The following ATXN7L1 variants were observed in gnomAD, a reference collection of about 807,000 sequenced individuals.
ATXN7L1 encodes the protein ataxin-7-like protein 1.
ATXN7L1 carries 15 observed loss-of-function variants against 70.8 expected under a neutral mutation model. The observed-to-expected ratio is 0.21, with a 90% confidence interval of 0.14 to 0.33. The LOEUF (loss-of-function observed/expected upper bound fraction) is 0.33, where lower values mean the gene tolerates loss of function less well. Among genes scored for constraint, ATXN7L1 ranks in the 10% least tolerant of loss-of-function variants. The pLI is 1.00. For missense variants in ATXN7L1, 975 were observed against 1,097.1 expected, an observed-to-expected ratio of 0.89 and a Z score of 1.57; for synonymous variants, 440 against 445.1, an observed-to-expected ratio of 0.99 and a Z score of 0.14.
rs1048732952 is a variant in ATXN7L1, at chr7:105,624,190, G to A, written c.1280C>T (p.Pro427Leu). The A allele has an allele frequency of 2.0e-5, 31 of 1,527,726 alleles. No individual in the cohort carries two copies. The highest frequency in any genetic ancestry group is 2.6e-5 in the Non-Finnish European group (30 of 1,133,596). 94.6% of individuals were successfully genotyped at this position (1,527,726 alleles called of 1,614,324 possible). A position where few individuals can be genotyped will look rare whatever the true frequency, so the allele number is the denominator to read the frequency against. The change falls in exon 8 of 12, where the codon CCG (proline) becomes CTG (leucine). Residue 427 changes from proline to leucine, a missense_variant. By Grantham distance (98) the Pro-to-Leu change is moderately conservative. Transcript: ENST00000419735. ...SGHTPEPPLP[P>L]VGGDLASRLS... ...TCGGCTGGCGAGGTCACCTCCAACC[G>A]GTGGGAGTGGGGGCTCTGGAGTGTG...
intron 5 of ATXN7L1, among the ~76,000 whole-genome samples, chr7:105,641,194 T>C (rs936941683): frequency 1.9e-5 from 2 of 106,002 alleles, no homozygotes; most frequent in African/African-American, 3.5e-5. Context: ...TGTCTGCCTT[T>C]TCTCTCTCTC....
intron 9 of ATXN7L1, among the ~76,000 whole-genome samples, chr7:105,617,175 C>A (rs559164935): frequency 6.6e-6 from 1 of 152,162 alleles, no homozygotes; most frequent in South Asian, 2.1e-4. Context: ...TACAGGCACC[C>A]GCCACCAGGC....
intron 3 of ATXN7L1, among the ~76,000 whole-genome samples, chr7:105,703,005 A>T (rs1360507326): frequency 6.6e-6 from 1 of 152,198 alleles, no homozygotes; most frequent in Non-Finnish European, 1.5e-5. Context: ...AGTCCCAGCC[A>T]CTTGGGAGGC....
intron 9 of ATXN7L1, chr7:105,618,087 G>T (rs749726644): frequency 2.2e-5 from 10 of 456,490 alleles, no homozygotes; most frequent in Non-Finnish European, 4.4e-6. Flanking sequence ...CTGTGGCTCG[G>T]GTTTCTGTGC....
At chr7:105,615,557 T>C (rs1421652348) in intron 9 of ATXN7L1, among the ~76,000 whole-genome samples, 1 of 152,220 alleles carries the variant, frequency 6.6e-6, no homozygotes, top group Non-Finnish European at 1.5e-5. Flanking sequence ...AGCTTTGTTT[T>C]TTCCTATTCA....
intron 3 of ATXN7L1, among the ~76,000 whole-genome samples, chr7:105,768,563 T>G (rs115211180): frequency 1.8e-4 from 27 of 152,320 alleles, no homozygotes; most frequent in African/African-American, 6.5e-4. Flanking sequence ...CCATCACGAG[T>G]AGGTTTACAT....
chr7:105,742,632 A>G (rs916378376), intron 3 of ATXN7L1, among the ~76,000 whole-genome samples: 1 of 152,184 alleles, frequency 6.6e-6, no homozygotes, highest in Non-Finnish European at 1.5e-5. Flanking sequence ...GTCCTTCTAC[A>G]CTACAAAAAT....
chr7:105,623,889 C>A (rs1369323725), intron 8 of ATXN7L1, among the ~76,000 whole-genome samples, 186 bp downstream of exon 8: 1 of 152,226 alleles, frequency 6.6e-6, no homozygotes, highest in African/African-American at 2.4e-5. Flanking sequence ...GCTGGGAGCC[C>A]ATTCCTTTCC....
At chr7:105,739,482 C>G (rs543467895) in intron 3 of ATXN7L1, among the ~76,000 whole-genome samples, 28 of 152,262 alleles carry the variant, frequency 1.8e-4, no homozygotes, top group African/African-American at 6.5e-4. Context: ...ACCACATTTT[C>G]AAAAACTTTT....
At chr7:105,783,102 A>C (rs1335665524) in intron 3 of ATXN7L1, among the ~76,000 whole-genome samples, 1 of 152,196 alleles carries the variant, frequency 6.6e-6, no homozygotes, top group Non-Finnish European at 1.5e-5. Flanking sequence ...TTTATAGACG[A>C]GGAAAAGAAG....
At chr7:105,624,032 G>A (rs1006000916) in intron 8 of ATXN7L1, 43 bp downstream of exon 8, 3 of 1,349,924 alleles carry the variant, frequency 2.2e-6, no homozygotes, top group Non-Finnish European at 2.9e-6. Flanking sequence ...TGTCTGCAAA[G>A]CACAGGCGAA....
chr7:105,617,111 C>T (rs1794021101), intron 9 of ATXN7L1, among the ~76,000 whole-genome samples: 1 of 151,946 alleles, frequency 6.6e-6, no homozygotes, highest in African/African-American at 2.4e-5. Flanking sequence ...ACTGCAGGCT[C>T]CGCCTCCCGG....
At chr7:105,764,424 T>C (rs1373727048) in intron 3 of ATXN7L1, among the ~76,000 whole-genome samples, 1 of 152,134 alleles carries the variant, frequency 6.6e-6, no homozygotes, top group African/African-American at 2.4e-5. Flanking sequence ...ATGCACATTC[T>C]GGGGCCCCAA....
chr7:105,709,500 C>G (rs151191504), intron 3 of ATXN7L1, among the ~76,000 whole-genome samples: 1 of 152,092 alleles, frequency 6.6e-6, no homozygotes, highest in African/African-American at 2.4e-5. Flanking sequence ...GAAGCCCACA[C>G]CCCAACCACC....
chr7:105,733,474 C>T (rs1390719385), intron 3 of ATXN7L1, among the ~76,000 whole-genome samples: 1 of 151,482 alleles, frequency 6.6e-6, no homozygotes, highest in African/African-American at 2.4e-5. Flanking sequence ...TTTTGACCTC[C>T]AGGAGGTCCA....
chr7:105,801,951 C>T (rs531092226), intron 2 of ATXN7L1, among the ~76,000 whole-genome samples: 1 of 152,268 alleles, frequency 6.6e-6, no homozygotes, highest in East Asian at 1.9e-4. Flanking sequence ...CCAAACTCGA[C>T]GGAATGTGGC....
chr7:105,701,058 AG>A (rs1397114200), intron 3 of ATXN7L1, among the ~76,000 whole-genome samples: 4 of 152,230 alleles, frequency 2.6e-5, no homozygotes, highest in African/African-American at 9.7e-5. Context: ...ATGCAAACAA[AG>A]ACAAACATTA....
chr7:105,733,568 TTCCATCCATCCACCCA>T (rs1563048745), intron 3 of ATXN7L1, among the ~76,000 whole-genome samples: 7 of 25,936 alleles, frequency 2.7e-4, no homozygotes, highest in Non-Finnish European at 2.3e-4. Context: ...CCATCCATCC[TTCCATCCATCCACCCA>T]TCCATCCATC....
At chr7:105,687,351 A>G (rs1324709118) in intron 3 of ATXN7L1, among the ~76,000 whole-genome samples, 1 of 152,194 alleles carries the variant, frequency 6.6e-6, no homozygotes, top group Non-Finnish European at 1.5e-5. Context: ...CTAGTACCCG[A>G]GAATATAAGC....
Sources: allele counts gnomAD v4.1 joint callset (sites outside exome capture counted in the v4.1 genomes callset), GRCh38; gene constraint gnomAD v4.1.1; transcripts MANE v1.5; gene names NCBI Gene and HGNC (gene_info 2026-07-23, HGNC 2026-07-21).